POFUT3: variants seen among roughly 807,000 people sequenced by gnomAD.
POFUT3 encodes the protein GDP-fucose protein O-fucosyltransferase 3.
chr8:33,440,158 T>G, the POFUT3 span, among the ~76,000 whole-genome samples: 2 of 151,750 alleles, frequency 1.3e-5, no homozygotes, highest in Non-Finnish European at 2.9e-5. Flanking sequence ...AGCTCAGGAG[T>G]TCAAAACCAG....
At chr8:33,371,158 G>A in the POFUT3 span, 1 of 152,178 alleles carries the variant, frequency 6.6e-6, no homozygotes, top group Non-Finnish European at 1.5e-5. Flanking sequence ...AACTAAGGCC[G>A]ATGGAGGTTA....
chr8:33,455,526 C>CA, the POFUT3 span, among the ~76,000 whole-genome samples: 8 of 151,694 alleles, frequency 5.3e-5, no homozygotes, highest in African/African-American at 1.9e-4. Flanking sequence ...TCCATCTCAA[C>CA]AAAAAAACAA....
At chr8:33,453,200 C>T in the POFUT3 span, 63 of 1,610,076 alleles carry the variant, frequency 3.9e-5, no homozygotes, top group Admixed American at 4.2e-4. Context: ...GGGAGAAAGG[C>T]GAAAGTCCTG....
chr8:33,389,866 T>C, the POFUT3 span: 2 of 1,124,870 alleles, frequency 1.8e-6, no homozygotes, highest in South Asian at 2.8e-5. Context: ...GTCTACCTGG[T>C]AAGATTAGAA....
the POFUT3 span, among the ~76,000 whole-genome samples, chr8:33,338,614 A>C: frequency 1.3e-5 from 2 of 152,158 alleles, no homozygotes; most frequent in Admixed American, 6.5e-5. Context: ...CATGATGTTC[A>C]CCATTGCCCA....
At chr8:33,453,271 G>A in the POFUT3 span, 5 of 1,614,200 alleles carry the variant, frequency 3.1e-6, no homozygotes, top group Non-Finnish European at 4.2e-6. Flanking sequence ...GGTTGATGGT[G>A]AAGAAACAAG....
chr8:33,445,578 G>A, the POFUT3 span, among the ~76,000 whole-genome samples: 1 of 152,162 alleles, frequency 6.6e-6, no homozygotes, highest in Admixed American at 6.5e-5. Flanking sequence ...ATATAATCAT[G>A]TTGGACTGTA....
At chr8:33,310,418 A>ATG in the POFUT3 span, among the ~76,000 whole-genome samples, 2 of 152,188 alleles carry the variant, frequency 1.3e-5, no homozygotes, top group Non-Finnish European at 2.9e-5. Flanking sequence ...TCAAAACACA[A>ATG]TAAAAATCCC....
chr8:33,399,786 T>C, the POFUT3 span, among the ~76,000 whole-genome samples: 1 of 151,942 alleles, frequency 6.6e-6, no homozygotes, highest in African/African-American at 2.4e-5. Flanking sequence ...CCCCAGTAAC[T>C]GGGACTACAG....
At chr8:33,392,089 T>C in the POFUT3 span, among the ~76,000 whole-genome samples, 3 of 152,082 alleles carry the variant, frequency 2.0e-5, no homozygotes, top group Non-Finnish European at 4.4e-5. Context: ...AGAGGAAAGT[T>C]AAAGGGACCT....
chr8:33,323,415 T>G, the POFUT3 span, among the ~76,000 whole-genome samples: 21 of 152,190 alleles, frequency 1.4e-4, no homozygotes, highest in Non-Finnish European at 3.1e-4. Context: ...CCTCAGTCAA[T>G]ATCAGGTAGC....
the POFUT3 span, among the ~76,000 whole-genome samples, chr8:33,338,009 C>G: frequency 3.9e-5 from 6 of 152,066 alleles, no homozygotes; most frequent in Non-Finnish European, 5.9e-5. Context: ...ATGAAGCCAG[C>G]CTTACCCTGA....
At chr8:33,398,758 T>C in the POFUT3 span, among the ~76,000 whole-genome samples, 6 of 152,226 alleles carry the variant, frequency 3.9e-5, no homozygotes, top group East Asian at 1.2e-3. Flanking sequence ...TTCCCTAAGC[T>C]CCCTTTCATA....
chr8:33,390,227 T>C, the POFUT3 span, among the ~76,000 whole-genome samples: 10 of 148,822 alleles, frequency 6.7e-5, no homozygotes, highest in African/African-American at 1.3e-4. Flanking sequence ...CACACACACA[T>C]GAAGCATGTT....
At chr8:33,388,392 T>C in the POFUT3 span, among the ~76,000 whole-genome samples, 1 of 149,468 alleles carries the variant, frequency 6.7e-6, no homozygotes, top group East Asian at 2.0e-4. Context: ...GCTGTAGTAT[T>C]GTGGCATGAT....
the POFUT3 span, among the ~76,000 whole-genome samples, chr8:33,325,772 C>G: frequency 6.6e-6 from 1 of 152,160 alleles, no homozygotes; most frequent in East Asian, 1.9e-4. Flanking sequence ...ATGGTAGGGG[C>G]TCTCTCTGGA....
the POFUT3 span, among the ~76,000 whole-genome samples, chr8:33,426,143 G>A: frequency 6.6e-6 from 1 of 152,002 alleles, no homozygotes; most frequent in Non-Finnish European, 1.5e-5. Flanking sequence ...GGCCTCATGT[G>A]ATCCACCCAC....
the POFUT3 span, among the ~76,000 whole-genome samples, chr8:33,418,020 G>A: frequency 6.6e-6 from 1 of 152,154 alleles, no homozygotes; most frequent in Non-Finnish European, 1.5e-5. Flanking sequence ...TGACCACACT[G>A]TTTCAGAGAG....
the POFUT3 span, among the ~76,000 whole-genome samples, chr8:33,438,868 T>C: frequency 6.6e-6 from 1 of 152,288 alleles, no homozygotes; most frequent in Admixed American, 6.5e-5. Flanking sequence ...TTCACTACCA[T>C]GTGAACAGTC....
Sources: allele counts gnomAD v4.1 joint callset (sites outside exome capture counted in the v4.1 genomes callset), GRCh38; gene constraint gnomAD v4.1.1; transcripts MANE v1.5; gene names NCBI Gene and HGNC (gene_info 2026-07-23, HGNC 2026-07-21).